TMEM120B: variants seen among roughly 807,000 people sequenced by gnomAD.
TMEM120B encodes the protein transmembrane protein 120B.
Under a neutral mutation model 55.5 loss-of-function variants are expected in TMEM120B, and 31 were observed. The observed-to-expected ratio is 0.56, with a 90% confidence interval of 0.42 to 0.75. TMEM120B has a LOEUF of 0.75. TMEM120B is among the 30% of genes least tolerant of loss of function. TMEM120B has a pLI of 0.00. For synonymous variants in TMEM120B, 203 were observed against 176.3 expected (o/e 1.15, Z -1.20); for missense variants, 399 against 425.5 (o/e 0.94, Z 0.55).
At chr12:121,744,081 G>T (rs1221769535) in intron 2 of TMEM120B, among the ~76,000 whole-genome samples, 2 of 148,776 alleles carry the variant, frequency 1.3e-5, no homozygotes, top group Non-Finnish European at 3.0e-5. Context: ...TCTTGAAATG[G>T]AGTCTTTCAC....
At chr12:121,742,990 TA>T (rs200580446) in intron 1 of TMEM120B, among the ~76,000 whole-genome samples, 2,190 of 152,244 alleles carry the variant, frequency 0.014, 22 homozygotes, top group Middle Eastern at 0.031. Flanking sequence ...TGGTGGTATT[TA>T]TTTGGAGGTA....
At chr12:121,726,663 G>T (rs1299356698) in intron 1 of TMEM120B, among the ~76,000 whole-genome samples, 1 of 151,744 alleles carries the variant, frequency 6.6e-6, no homozygotes, top group Non-Finnish European at 1.5e-5. Flanking sequence ...CCAGCACTTG[G>T]GAAGGCCAAG....
chr12:121,722,667 G>T (rs1187720387), intron 1 of TMEM120B, among the ~76,000 whole-genome samples: 1 of 152,028 alleles, frequency 6.6e-6, no homozygotes, highest in East Asian at 1.9e-4. Context: ...ACAGTATATT[G>T]CTTAATGATA....
intron 5 of TMEM120B, chr12:121,758,302 C>T: frequency 1.0e-6 from 1 of 985,506 alleles, no homozygotes; most frequent in Non-Finnish European, 1.2e-6. Context: ...ATAATCCCCA[C>T]ACAGCGGTCT....
At chr12:121,760,741 A>C (rs1873650352) in intron 5 of TMEM120B, among the ~76,000 whole-genome samples, 1 of 151,998 alleles carries the variant, frequency 6.6e-6, no homozygotes, top group Non-Finnish European at 1.5e-5. Flanking sequence ...TATTTAAGAG[A>C]GACAGTTAAC....
chr12:121,712,892 C>A lies in TMEM120B; in HGVS notation c.-4C>A, dbSNP rs1289434540. Reference sequence around the variant, plus strand: ...CCGGCACCGCCGCCTTGCACCATCGCATCATGTCCGGGCAGCTGGAGCGTT... The same window carrying A: ...CCGGCACCGCCGCCTTGCACCATCGAATCATGTCCGGGCAGCTGGAGCGTT... On this transcript the variant is annotated 5_prime_UTR_variant, in exon 1 of 12. Coordinates refer to ENST00000449592, the MANE Select transcript of TMEM120B (RefSeq NM_001080825.2). 6.5e-7 allele frequency: 1 copy of A among 1,526,910 alleles called. No individual in the cohort carries two copies. Among genetic ancestry groups the A allele is most frequent in the Admixed American group, 2.3e-5 (1 of 42,588 alleles). The allele number at this position is 1,526,910 out of a possible 1,614,324, so 94.6% of individuals were successfully genotyped here.
chr12:121,749,911 A>G (rs1042846648), intron 3 of TMEM120B, among the ~76,000 whole-genome samples: 2 of 151,792 alleles, frequency 1.3e-5, no homozygotes, highest in Non-Finnish European at 1.5e-5. Context: ...GTCTCAAAAA[A>G]AAAAAAAAAC....
chr12:121,760,870 A>G lies in TMEM120B; in HGVS notation c.462-779A>G, dbSNP rs535110144. Among the ~76,000 whole-genome samples the G allele has an allele frequency of 1.2e-4, 18 of 152,232 alleles. No homozygotes were observed. The South Asian group carries it at 3.5e-3, about 30-fold the overall frequency. On this transcript the variant is annotated intron_variant, in intron 5 of 11. Coordinates refer to ENST00000449592, the MANE Select transcript of TMEM120B (RefSeq NM_001080825.2). ...ATCACAGACGGTAGGGCCCATAGGT[A>G]ATTTTTTGTATTAAATACATGTAAC...
intron 1 of TMEM120B, among the ~76,000 whole-genome samples, chr12:121,727,547 A>AAG (rs1437898885): frequency 1.4e-4 from 19 of 132,758 alleles, no homozygotes; most frequent in African/African-American, 3.7e-4. Flanking sequence ...AAAAAAAAAA[A>AAG]AAAAAAAAAA....
chr12:121,728,259 G>C (rs761517013), intron 1 of TMEM120B, among the ~76,000 whole-genome samples: 3 of 151,872 alleles, frequency 2.0e-5, no homozygotes, highest in Admixed American at 6.6e-5. Flanking sequence ...GGAGGCAGAG[G>C]TGGGCGGATC....
At chr12:121,755,322 T>C (rs1443072757) in intron 5 of TMEM120B, among the ~76,000 whole-genome samples, 1 of 152,168 alleles carries the variant, frequency 6.6e-6, no homozygotes, top group Non-Finnish European at 1.5e-5. Context: ...GGCCTCTCTG[T>C]CTGTCTCCTC....
At position 121,712,842 on chromosome 12, in the gene TMEM120B, T is replaced by G; in HGVS notation, c.-54T>G. 7.6e-7 allele frequency: 1 copy of G among 1,316,428 alleles called. No individual in the cohort carries two copies. The highest frequency in any genetic ancestry group is 2.1e-5 in the South Asian group (1 of 48,728). 81.5% of individuals were successfully genotyped at this position (1,316,428 alleles called of 1,614,324 possible). A position where few individuals can be genotyped will look rare whatever the true frequency, so the allele number is the denominator to read the frequency against. The stretch of plus-strand genomic sequence containing the variant: ...CGGGCGTGGGGCGCTGGGGGGCCGG[T>G]CGGGCAGCGCTGCGGGAGCAGCCGC... On this transcript the variant is annotated 5_prime_UTR_variant, in exon 1 of 12. Transcript: ENST00000449592.
At chr12:121,713,502 C>T (rs1414625374) in intron 1 of TMEM120B, among the ~76,000 whole-genome samples, 2 of 152,176 alleles carry the variant, frequency 1.3e-5, no homozygotes, top group African/African-American at 4.8e-5. Context: ...TCTTTGGGGG[C>T]TCTGACGCTG....
At position 121,718,321 on chromosome 12, in the gene TMEM120B, AAAAC is replaced by A. The variant is rs532644088; in HGVS notation, c.69+5373_69+5376del. Among the ~76,000 whole-genome samples, 55 of 152,122 alleles carry A rather than the reference AAAAC, an allele frequency of 3.6e-4. 1 individual carries two copies. Among genetic ancestry groups the A allele is most frequent in the Non-Finnish European group, 4.3e-4 (29 of 67,978 alleles). ...CAACATGGTGAAACCCCATCACTAT[AAAAC>A]AAACAAACAAACAAAAAACAAAAAA... On this transcript the variant is annotated intron_variant, in intron 1 of 11. Coordinates refer to ENST00000449592, the MANE Select transcript of TMEM120B (RefSeq NM_001080825.2).
chr12:121,755,979 G>A (rs909463265), intron 5 of TMEM120B, among the ~76,000 whole-genome samples: 2 of 152,104 alleles, frequency 1.3e-5, no homozygotes, highest in Non-Finnish European at 2.9e-5. Context: ...GTAGTTGGAA[G>A]TCATGCCGAC....
At chr12:121,741,493 C>T (rs932085640) in intron 1 of TMEM120B, among the ~76,000 whole-genome samples, 2 of 152,068 alleles carry the variant, frequency 1.3e-5, no homozygotes, top group African/African-American at 4.8e-5. Context: ...TCACGCCTGG[C>T]TAATTTTGTG....
chr12:121,769,723 T>TG (rs1592948416), intron 6 of TMEM120B, among the ~76,000 whole-genome samples: 2 of 151,660 alleles, frequency 1.3e-5, no homozygotes, highest in East Asian at 3.9e-4. Context: ...AACGTGTGTG[T>TG]GTGTGTGTGT....
At chr12:121,721,814 T>TTTGTTC (rs1894795465) in intron 1 of TMEM120B, among the ~76,000 whole-genome samples, 1 of 134,504 alleles carries the variant, frequency 7.4e-6, no homozygotes, top group Non-Finnish European at 1.6e-5. Context: ...CTTTTTTTTT[T>TTTGTTC]TTTTTTTTTT....
At chr12:121,727,910 G>C (rs1214714024) in intron 1 of TMEM120B, among the ~76,000 whole-genome samples, 2 of 150,608 alleles carry the variant, frequency 1.3e-5, no homozygotes, top group Non-Finnish European at 3.0e-5. Flanking sequence ...GTAACAATGA[G>C]TCCAAGGTTC....
Sources: allele counts gnomAD v4.1 joint callset (sites outside exome capture counted in the v4.1 genomes callset), GRCh38; gene constraint gnomAD v4.1.1; transcripts MANE v1.5; gene names NCBI Gene and HGNC (gene_info 2026-07-23, HGNC 2026-07-21).